DNA2: variants seen among roughly 807,000 people sequenced by gnomAD.
The protein encoded by DNA2 is DNA replication ATP-dependent helicase/nuclease DNA2.
DNA2 carries 101 observed loss-of-function variants against 119.1 expected under a neutral mutation model. The observed-to-expected ratio is 0.85, with a 90% CI of 0.72 to 1.00. The LOEUF is 1.00. Ranked by LOEUF, DNA2 falls within the 50% of genes least tolerant of loss-of-function variation. The pLI is 0.00. For synonymous variants in DNA2, 366 were observed against 424.4 expected, an observed-to-expected ratio of 0.86 and a Z score of 1.69; for missense variants, 1,121 against 1,255.5, an observed-to-expected ratio of 0.89 and a Z score of 1.62.
chr10:68,415,844 G>A (rs921402408), intron 20 of DNA2, among the ~76,000 whole-genome samples: 1 of 151,584 alleles, frequency 6.6e-6, no homozygotes, highest in Admixed American at 6.6e-5. Context: ...AGTAGAGACG[G>A]GGTTTCACCA....
In DNA2 at chr10:68,432,493, G is replaced by A. The variant is rs1160032135; in HGVS notation, c.1664C>T (p.Pro555Leu). ...GTCTAATCTGAACAAAGTTGATTCTGGAAGGACCGACAAGTTTCTAAAACA... is the reference window on the plus strand; with the variant it reads ...GTCTAATCTGAACAAAGTTGATTCTAGAAGGACCGACAAGTTTCTAAAACA... ...CLLDRNLSVL[P>L]ESTLFRLDQE... Residue 555 changes from proline to leucine, a missense_variant, in exon 11 of 21, where the codon CCA (proline) becomes CTA (leucine). Coordinates refer to ENST00000358410, the MANE Select transcript of DNA2 (RefSeq NM_001080449.3). 6.4e-7 allele frequency: 1 copy of A among 1,560,748 alleles called. No homozygotes were observed. The highest frequency in any genetic ancestry group is 8.7e-7 in the Non-Finnish European group (1 of 1,151,230).
chr10:68,470,707 G>A, intron 1 of DNA2: 1 of 373,202 alleles, frequency 2.7e-6, no homozygotes. Flanking sequence ...ACAAGTAAAA[G>A]GAGATGTTTT....
chr10:68,444,725 C>CAAAAAAAAAAAAAAAAAAAAAAAAAAA (rs11356540), intron 8 of DNA2, among the ~76,000 whole-genome samples, 196 bp downstream of exon 8: 1 of 117,912 alleles, frequency 8.5e-6, no homozygotes, highest in Non-Finnish European at 1.8e-5. Context: ...AAGTCCGTCT[C>CAAAAAAAAAAAAAAAAAAAAAAAAAAA]AAAAAAAAAA....
At chr10:68,442,201 C>T (rs1212863362) in intron 9 of DNA2, among the ~76,000 whole-genome samples, 1 of 151,548 alleles carries the variant, frequency 6.6e-6, no homozygotes, top group Non-Finnish European at 1.5e-5. Context: ...AGGCATGACC[C>T]GACGCCCTGA....
chr10:68,417,391 C>CAAAAAAAAAAAAAAAAAAAAA (rs35777569), intron 19 of DNA2, among the ~76,000 whole-genome samples: 1 of 77,504 alleles, frequency 1.3e-5, no homozygotes, highest in African/African-American at 5.4e-5. Flanking sequence ...ATAAGAAAAC[C>CAAAAAAAAAAAAAAAAAAAAA]AAAAAAAAAA....
chr10:68,470,355 T>C, intron 1 of DNA2, 192 bp from the exon 2 acceptor site: 1 of 535,358 alleles, frequency 1.9e-6, no homozygotes, highest in South Asian at 2.7e-5. Flanking sequence ...TATAAAAACT[T>C]CCCAGAAGTA....
chr10:68,471,845 A>G lies in DNA2; in HGVS notation c.20T>C (p.Leu7Pro). 1 of 1,613,794 alleles carries G rather than the reference A, an allele frequency of 6.2e-7. No homozygotes were observed. The highest frequency in any genetic ancestry group is 8.5e-7 in the Non-Finnish European group (1 of 1,179,788). Residue 7 changes from leucine (L) to proline (P), a missense_variant, in exon 1 of 21, where the codon CTG becomes CCG. Leu to Pro is a moderately conservative substitution (Grantham distance 98). Transcript: ENST00000358410. MEQLNELELLMEKSFWE... is the reference protein window; with the variant it reads MEQLNEPELLMEKSFWE... The stretch of plus-strand genomic sequence containing the variant: ...AAAACTCTTCTCCATCAGCAGCTCC[A>G]GTTCGTTCAGCTGCTCCATCCTGGA...
At chr10:68,419,713 A>C in intron 18 of DNA2, 90 bp downstream of exon 18, 1 of 958,088 alleles carries the variant, frequency 1.0e-6, no homozygotes, top group Non-Finnish European at 1.6e-6. Context: ...TTAATAAACG[A>C]GACTTAATGC....
intron 4 of DNA2, among the ~76,000 whole-genome samples, chr10:68,462,555 ACTTACC>A (rs58097894): frequency 0.18 from 26,957 of 151,902 alleles, 2,870 homozygotes; most frequent in African/African-American, 0.31. Context: ...GCTGTTATAA[ACTTACC>A]CTCCCAGGAT....
At chr10:68,449,964 A>G (rs1342762259) in intron 6 of DNA2, 64 bp downstream of exon 6, 1 of 1,161,822 alleles carries the variant, frequency 8.6e-7, no homozygotes, top group East Asian at 2.6e-5. Context: ...ACAGAACAAG[A>G]CTCTGTCTCA....
chr10:68,436,930 G>T, intron 10 of DNA2, 81 bp downstream of exon 10: 1 of 1,133,788 alleles, frequency 8.8e-7, no homozygotes, highest in Non-Finnish European at 1.3e-6. Flanking sequence ...CCAGCGAATT[G>T]TACATTTTAA....
Position 68,414,364 on chromosome 10 carries a change from T to C in DNA2, c.*675A>G, listed in dbSNP as rs1170743993. On this transcript the variant is annotated 3_prime_UTR_variant, in exon 21 of 21. Coordinates refer to ENST00000358410, the MANE Select transcript of DNA2 (RefSeq NM_001080449.3). ...CCCCAAACATAGGGGCATATGAACA[T>C]ATGTGAAAATAGGAATCAACTTTTT... 6.6e-6 allele frequency: 1 copy of C among 152,108 alleles called. No homozygotes were observed. The highest frequency in any genetic ancestry group is 1.5e-5 in the Non-Finnish European group (1 of 68,022). 9.4% of individuals were successfully genotyped at this position (152,108 alleles called of 1,614,324 possible).
At chr10:68,464,608 C>A (rs947004885) in intron 4 of DNA2, among the ~76,000 whole-genome samples, 1 of 151,582 alleles carries the variant, frequency 6.6e-6, no homozygotes, top group Non-Finnish European at 1.5e-5. Flanking sequence ...CCGAGGCAGG[C>A]GGATCACCTA....
chr10:68,432,272 A>C lies in DNA2; in HGVS notation c.1807T>G (p.Phe603Val). 6.2e-7 allele frequency: 1 copy of C among 1,609,378 alleles called. No individual in the cohort carries two copies. Among genetic ancestry groups the C allele is most frequent in the Non-Finnish European group, 8.5e-7 (1 of 1,178,654 alleles). The change falls in exon 12 of 21, where the codon TTT (phenylalanine) becomes GTT (valine). Residue 603 changes from phenylalanine (F) to valine (V), a missense_variant. Physicochemically the swap from Phe to Val is conservative, Grantham distance 50. Coordinates refer to ENST00000358410, the MANE Select transcript of DNA2 (RefSeq NM_001080449.3). ...AGAACAGAACTAAGGTAGGATATAA[A>C]CTGAGGTTCACGAAAGTCAATAATT... ...DLIIDFREPQ[F>V]ISYLSSVLPH...
At chr10:68,447,001 T>C (rs1261641442) in intron 6 of DNA2, among the ~76,000 whole-genome samples, 1 of 152,082 alleles carries the variant, frequency 6.6e-6, no homozygotes, top group African/African-American at 2.4e-5. Flanking sequence ...TAAAGGAGTA[T>C]AACTGGGTTA....
In DNA2 at chr10:68,442,962, T is replaced by C. The variant is rs2051989428; in HGVS notation, c.1370A>G (p.Asn457Ser). Residue 457 changes from asparagine to serine, a missense_variant, in exon 9 of 21, where the codon AAT becomes AGT. Asn to Ser is a conservative substitution (Grantham distance 46). Coordinates refer to ENST00000358410, the MANE Select transcript of DNA2 (RefSeq NM_001080449.3). ...CCAGATATTTTGGTGATTCTTTTTA[T>C]TATCCTTCGATTGTGACTCCAGGGT... The part of the protein sequence containing the change: ...MLTLESQSKD[N>S]KKNHQNIWLM... 12 of 1,612,884 alleles carry C rather than the reference T, an allele frequency of 7.4e-6. No individual in the cohort carries two copies. Among genetic ancestry groups the C allele is most frequent in the South Asian group, 2.2e-5 (2 of 90,720 alleles).
At chr10:68,419,445 A>G in intron 18 of DNA2, 1 of 526,000 alleles carries the variant, frequency 1.9e-6, no homozygotes, top group Non-Finnish European at 3.3e-6. Flanking sequence ...GAGAACGTAA[A>G]GGATTATATG....
chr10:68,466,540 AAC>A (rs1409551432), intron 3 of DNA2, among the ~76,000 whole-genome samples: 1 of 152,014 alleles, frequency 6.6e-6, no homozygotes, highest in Non-Finnish European at 1.5e-5. Flanking sequence ...CTCAAAAAGA[AAC>A]ACTACATTTC....
Position 68,414,882 on chromosome 10 carries a change from A to G in DNA2, c.*157T>C, listed in dbSNP as rs2051568221. On this transcript the variant is annotated 3_prime_UTR_variant, in exon 21 of 21. Coordinates refer to ENST00000358410, the MANE Select transcript of DNA2 (RefSeq NM_001080449.3). ...CTCTAGGTTAGGCAAAAATGCATGC[A>G]TAGAACCCATAAATTCAGACTTTTC... 2 of 480,724 alleles carry G rather than the reference A, an allele frequency of 4.2e-6. No homozygotes were observed. Among genetic ancestry groups the G allele is most frequent in the Admixed American group, 7.4e-5 (2 of 27,066 alleles). The allele number at this position is 480,724 out of a possible 1,614,324, so 29.8% of individuals were successfully genotyped here. A position where few individuals can be genotyped will look rare whatever the true frequency, so the allele number is the denominator to read the frequency against.
Sources: allele counts gnomAD v4.1 joint callset (sites outside exome capture counted in the v4.1 genomes callset), GRCh38; gene constraint gnomAD v4.1.1; transcripts MANE v1.5; gene names NCBI Gene and HGNC (gene_info 2026-07-23, HGNC 2026-07-21).